Variants in ABCC1 observed in about 807,000 individuals in gnomAD.
ABCC1 encodes the protein multidrug resistance-associated protein 1.
Under a neutral mutation model 172.9 loss-of-function variants are expected in ABCC1, and 83 were observed. That is an observed-to-expected ratio of 0.48 (90% CI 0.40 to 0.58). ABCC1 has a LOEUF of 0.58. Among genes scored for constraint, ABCC1 ranks in the 20% least tolerant of loss-of-function variants. The pLI is 0.00. For synonymous variants in ABCC1, 937 were observed against 825.2 expected (o/e 1.14, Z -2.32); for missense variants, 1,817 against 2,002.7 (o/e 0.91, Z 1.77).
At chr16:16,051,167 T>C (rs1021352577) in intron 10 of ABCC1, among the ~76,000 whole-genome samples, 7 of 151,684 alleles carry the variant, frequency 4.6e-5, no homozygotes, top group Non-Finnish European at 4.4e-5. Flanking sequence ...GTTCTTGTTA[T>C]TGTTTTTTTT....
chr16:16,046,733 A>T (rs1370198332), intron 9 of ABCC1, among the ~76,000 whole-genome samples: 1 of 151,764 alleles, frequency 6.6e-6, no homozygotes, highest in Non-Finnish European at 1.5e-5. Context: ...TCCAATTTCA[A>T]AGGACCTAAA....
At chr16:15,992,996 G>A (rs924391283) in intron 1 of ABCC1, among the ~76,000 whole-genome samples, 4 of 151,992 alleles carry the variant, frequency 2.6e-5, no homozygotes, top group African/African-American at 9.7e-5. Flanking sequence ...CTTCCAGTCT[G>A]CTAGGATGTC....
chr16:15,955,334 G>C (rs921919269), intron 1 of ABCC1, among the ~76,000 whole-genome samples: 3 of 152,086 alleles, frequency 2.0e-5, no homozygotes, highest in Non-Finnish European at 2.9e-5. Context: ...CTCCAGCCTG[G>C]GTGACAGTGA....
At chr16:15,993,857 A>G (rs899943095) in intron 1 of ABCC1, among the ~76,000 whole-genome samples, 1 of 152,158 alleles carries the variant, frequency 6.6e-6, no homozygotes, top group Non-Finnish European at 1.5e-5. Flanking sequence ...GCCTGAGGCC[A>G]TTCACTTGAT....
intron 1 of ABCC1, among the ~76,000 whole-genome samples, chr16:15,968,918 A>C (rs1486902427): frequency 2.0e-5 from 3 of 151,450 alleles, no homozygotes; most frequent in African/African-American, 4.9e-5. Flanking sequence ...TTTGTATTGA[A>C]AACAGTCAGC....
intron 20 of ABCC1, among the ~76,000 whole-genome samples, chr16:16,104,533 G>C (rs1464065281): frequency 6.6e-6 from 1 of 152,140 alleles, no homozygotes; most frequent in Non-Finnish European, 1.5e-5. Context: ...GCTGATTGGT[G>C]TATTTACAAT....
chr16:15,966,611 C>G (rs1380808811), intron 1 of ABCC1, among the ~76,000 whole-genome samples: 1 of 151,292 alleles, frequency 6.6e-6, no homozygotes, highest in East Asian at 1.9e-4. Flanking sequence ...AGATCAGGAT[C>G]TCTCTGAGTG....
intron 1 of ABCC1, among the ~76,000 whole-genome samples, chr16:15,994,415 A>G (rs1389809009): frequency 1.3e-5 from 2 of 152,178 alleles, no homozygotes; most frequent in Non-Finnish European, 2.9e-5. Context: ...GAGAGTTTTA[A>G]TAGTCCTGAC....
chr16:15,965,430 T>C (rs1448348249), intron 1 of ABCC1, among the ~76,000 whole-genome samples: 1 of 152,154 alleles, frequency 6.6e-6, no homozygotes, highest in Non-Finnish European at 1.5e-5. Context: ...TAGCTGGGAC[T>C]ACAGGCACCT....
intron 1 of ABCC1, among the ~76,000 whole-genome samples, chr16:16,002,543 C>T (rs543760870): frequency 4.8e-4 from 73 of 152,192 alleles, no homozygotes; most frequent in African/African-American, 1.3e-3. Flanking sequence ...GTGGCCAAGG[C>T]GAGTGGATCG....
chr16:16,113,679 G>A lies in ABCC1; in HGVS notation c.3080-1087G>A, dbSNP rs568748065. 4.6e-5 allele frequency among the ~76,000 whole-genome samples: 7 copies of A among 152,074 alleles called. No individual in the cohort carries two copies. The South Asian group carries it at 1.5e-3, about 32-fold the overall frequency. Reference sequence around the variant, plus strand: ...ATCTCAAAAGAAAAATAAAATTAAAGATTTATTCGATTAGACTAGACACGT... The same window carrying A: ...ATCTCAAAAGAAAAATAAAATTAAAAATTTATTCGATTAGACTAGACACGT... On this transcript the variant is annotated intron_variant, in intron 22 of 30. Transcript: ENST00000399410.
chr16:15,980,187 G>A (rs1349285358), intron 1 of ABCC1, among the ~76,000 whole-genome samples: 1 of 152,092 alleles, frequency 6.6e-6, no homozygotes, highest in African/African-American at 2.4e-5. Context: ...AGGCCCAGGG[G>A]CAAATAGTCT....
At chr16:16,019,404 G>A (rs940841443) in intron 5 of ABCC1, among the ~76,000 whole-genome samples, 4 of 151,912 alleles carry the variant, frequency 2.6e-5, no homozygotes, top group South Asian at 2.1e-4. Flanking sequence ...GTGTCTGGCC[G>A]AGCCATTCTT....
chr16:16,120,296 C>T (rs2152110130), intron 23 of ABCC1, among the ~76,000 whole-genome samples: 1 of 152,298 alleles, frequency 6.6e-6, no homozygotes, highest in Non-Finnish European at 1.5e-5. Context: ...CTTGTGGAAT[C>T]AGGAACCCCG....
chr16:16,030,542 A>G (rs2048526547), intron 5 of ABCC1, among the ~76,000 whole-genome samples: 1 of 152,014 alleles, frequency 6.6e-6, no homozygotes, highest in Non-Finnish European at 1.5e-5. Context: ...AAAACAAAAC[A>G]AAAACCTTGC....
Position 16,125,451 on chromosome 16 carries a change from C to T in ABCC1, c.3718-359C>T, listed in dbSNP as rs188833319. Among the ~76,000 whole-genome samples the T allele has an allele frequency of 2.5e-3, 386 of 151,824 alleles. 4 individuals carry two copies. The highest frequency in any genetic ancestry group is 8.0e-3 in the African/African-American group (331 of 41,382). ...TTTATTTATTTATTTTTTTTGGAGA[C>T]GGAATCTCACTCTGTCACCCAGGCT... On this transcript the variant is annotated intron_variant, in intron 25 of 30. Transcript: ENST00000399410.
chr16:15,994,625 T>C (rs986348850), intron 1 of ABCC1, among the ~76,000 whole-genome samples: 1 of 152,120 alleles, frequency 6.6e-6, no homozygotes, highest in Non-Finnish European at 1.5e-5. Context: ...CTAGCTTTCT[T>C]ATTATTATTT....
chr16:16,079,313 A>AT, intron 15 of ABCC1, 39 bp from the exon 16 acceptor site: 1 of 1,608,790 alleles, frequency 6.2e-7, no homozygotes, highest in Non-Finnish European at 8.5e-7. Context: ...GGCAGGCCTC[A>AT]TTCAGCGTGG....
intron 5 of ABCC1, 23 bp downstream of exon 5, chr16:16,016,644 G>A: frequency 6.2e-7 from 1 of 1,613,506 alleles, no homozygotes; most frequent in East Asian, 2.2e-5. Flanking sequence ...ACAGATGAGT[G>A]TGTGTGCGTG....
Sources: gnomAD v4.1 joint callset for allele counts (sites outside exome capture counted in the v4.1 genomes callset) on GRCh38, gnomAD v4.1.1 for gene constraint, MANE v1.5 for transcripts, NCBI Gene and HGNC (gene_info 2026-07-23, HGNC 2026-07-21) for gene names.